Variants in MAST4 observed in about 807,000 individuals in gnomAD.
MAST4 encodes the protein microtubule associated serine/threonine kinase family member 4.
MAST4 carries 89 observed loss-of-function variants against 162.7 expected under a neutral mutation model. The observed-to-expected ratio is 0.55, with a 90% confidence interval of 0.46 to 0.65. MAST4 has a LOEUF of 0.65. Ranked by LOEUF, MAST4 falls within the 30% of genes least tolerant of loss-of-function variation. The pLI is 0.00. For synonymous variants in MAST4, 1,479 were observed against 1,361.1 expected, an observed-to-expected ratio of 1.09 and a Z score of -1.91; for missense variants, 3,153 against 3,374.0, an observed-to-expected ratio of 0.93 and a Z score of 1.62.
chr5:67,036,512 G>C (rs1756038080), intron 4 of MAST4, among the ~76,000 whole-genome samples: 1 of 152,010 alleles, frequency 6.6e-6, no homozygotes, highest in East Asian at 1.9e-4. Flanking sequence ...GTTGGTTCCA[G>C]GACCTCCCTT....
At chr5:67,014,122 A>G (rs900696916) in intron 4 of MAST4, among the ~76,000 whole-genome samples, 4 of 151,706 alleles carry the variant, frequency 2.6e-5, no homozygotes, top group Non-Finnish European at 5.9e-5. Context: ...GTAAGGACTG[A>G]TTTTATCTAC....
chr5:66,908,763 A>G (rs1023243409), intron 4 of MAST4, among the ~76,000 whole-genome samples: 1 of 152,196 alleles, frequency 6.6e-6, no homozygotes, highest in African/African-American at 2.4e-5. Context: ...GTTAATCAAT[A>G]GGCAATCAAT....
At chr5:66,797,997 C>G (rs1380545279) in intron 3 of MAST4, among the ~76,000 whole-genome samples, 1 of 152,230 alleles carries the variant, frequency 6.6e-6, no homozygotes, top group East Asian at 1.9e-4. Flanking sequence ...CACCACCACT[C>G]ATGGTGATGC....
intron 3 of MAST4, among the ~76,000 whole-genome samples, chr5:66,797,734 A>G (rs1286352477): frequency 1.3e-5 from 2 of 152,208 alleles, no homozygotes; most frequent in African/African-American, 4.8e-5. Context: ...AAACTTTGCA[A>G]CTTGAACTGA....
intron 4 of MAST4, among the ~76,000 whole-genome samples, chr5:66,958,297 A>T (rs1156477063): frequency 6.6e-6 from 1 of 152,186 alleles, no homozygotes; most frequent in East Asian, 1.9e-4. Context: ...TTTAAAATGC[A>T]TTAGAGGAAG....
intron 1 of MAST4, among the ~76,000 whole-genome samples, chr5:66,608,067 G>T (rs28617586): frequency 0.21 from 28,999 of 140,178 alleles, 3,392 homozygotes; most frequent in African/African-American, 0.4. Flanking sequence ...TTTTTTTTTT[G>T]TTTTTTTTTT....
chr5:66,774,347 G>A lies in MAST4; in HGVS notation c.518-14323G>A, dbSNP rs1401472346. Among the ~76,000 whole-genome samples the A allele has an allele frequency of 7.2e-5, 11 of 152,182 alleles. No homozygotes were observed. The South Asian group carries it at 8.3e-4, about 11-fold the overall frequency. On this transcript the variant is annotated intron_variant, in intron 2 of 28. Coordinates refer to ENST00000403625, the MANE Select transcript of MAST4 (RefSeq NM_001164664.2). ...TTTGCTAGCTTTTGGCTGCAGTGGC[G>A]TATACGTAAATAACAGTAAACAAAG...
At chr5:66,861,618 CTG>C (rs1460154668) in intron 3 of MAST4, among the ~76,000 whole-genome samples, 2 of 152,214 alleles carry the variant, frequency 1.3e-5, no homozygotes, top group African/African-American at 2.4e-5. Flanking sequence ...AGCCAAAATG[CTG>C]TGTTTTACAT....
At chr5:66,859,915 A>G (rs11745025) in intron 3 of MAST4, among the ~76,000 whole-genome samples, 17,808 of 152,248 alleles carry the variant, frequency 0.12, 1,149 homozygotes, top group East Asian at 0.25. Flanking sequence ...CTTTTAATAG[A>G]GCAATAGACT....
intron 3 of MAST4, among the ~76,000 whole-genome samples, chr5:66,838,020 T>A (rs1285327900): frequency 6.6e-6 from 1 of 151,044 alleles, no homozygotes; most frequent in Non-Finnish European, 1.5e-5. Flanking sequence ...CATTAACCAA[T>A]CTGCCTTGGG....
At chr5:67,061,668 G>T (rs1050923158) in intron 5 of MAST4, among the ~76,000 whole-genome samples, 8 of 151,526 alleles carry the variant, frequency 5.3e-5, no homozygotes, top group Non-Finnish European at 1.2e-4. Context: ...GACTGGTCTT[G>T]CTCTCAGCAT....
chr5:67,166,869 G>A lies in MAST4; in HGVS notation c.7690G>A (p.Asp2564Asn). 6.2e-7 allele frequency: 1 copy of A among 1,607,910 alleles called. No individual in the cohort carries two copies. ...TATVGETKGK[D>N]PAPAQPPPAR... ...CACCGTAGGGGAAACCAAAGGGAAG[G>A]ACCCTGCCCCAGCCCAGCCTCCCCC... The change falls in exon 29 of 29, where the codon GAC (aspartate) becomes AAC (asparagine). Residue 2564 changes from aspartate (D) to asparagine (N), a missense_variant. Physicochemically the swap from Asp to Asn is conservative, Grantham distance 23. This residue lies in a region of MAST4 where 1,644 missense variants were observed against 1,495.0 expected (regional missense o/e 1.10). Transcript: ENST00000403625.
At chr5:67,039,715 T>C (rs1315792807) in intron 4 of MAST4, among the ~76,000 whole-genome samples, 1 of 152,188 alleles carries the variant, frequency 6.6e-6, no homozygotes, top group Non-Finnish European at 1.5e-5. Context: ...TCCCATCTCC[T>C]GCCATAGTTT....
chr5:67,148,536 C>T (rs1561168409), intron 23 of MAST4, among the ~76,000 whole-genome samples: 1 of 152,156 alleles, frequency 6.6e-6, no homozygotes, highest in Non-Finnish European at 1.5e-5. Context: ...CTCTCTTACG[C>T]TCCGTTGTTG....
In MAST4 at chr5:67,077,620, A is replaced by T. The variant is rs1218643879; in HGVS notation, c.764-12542A>T. ...TACAACTCCCCGTCCATAACATCAG[A>T]TTACTTCACTTTACTTAAGTGTGTC... On this transcript the variant is annotated intron_variant, in intron 5 of 28. Transcript: ENST00000403625. Among the ~76,000 whole-genome samples the T allele has an allele frequency of 2.6e-5, 4 of 152,270 alleles. No homozygotes were observed. In the East Asian group the frequency reaches 7.7e-4, roughly 29 times the overall value.
At chr5:67,080,639 AATG>A (rs1425994706) in intron 5 of MAST4, among the ~76,000 whole-genome samples, 1 of 152,070 alleles carries the variant, frequency 6.6e-6, no homozygotes, top group Non-Finnish European at 1.5e-5. Context: ...TGCAAGAAGG[AATG>A]ATAAGAATTA....
intron 1 of MAST4, among the ~76,000 whole-genome samples, chr5:66,723,186 A>AT: frequency 6.6e-6 from 1 of 152,274 alleles, no homozygotes; most frequent in South Asian, 2.1e-4. Context: ...CTTAGGTACC[A>AT]TTTTAAATCA....
intron 1 of MAST4, among the ~76,000 whole-genome samples, chr5:66,737,537 G>T (rs140449098): frequency 2.6e-5 from 4 of 152,100 alleles, no homozygotes; most frequent in East Asian, 1.9e-4. Context: ...AGATCACCGC[G>T]CCTGGGCAGC....
At position 67,163,908 on chromosome 5, in the gene MAST4, T is replaced by C; in HGVS notation, c.4729T>C (p.Tyr1577His). The C allele has an allele frequency of 4.3e-6, 7 of 1,614,006 alleles. No homozygotes were observed. The highest frequency in any genetic ancestry group is 5.1e-6 in the Non-Finnish European group (6 of 1,179,890). Residue 1577 changes from tyrosine to histidine, a missense_variant, in exon 29 of 29, where the codon TAT becomes CAT. Transcript: ENST00000403625. This position sits in a 1 kb window ranked among gnomAD's most constrained non-coding sequence, Gnocchi z 7.0. ...GCTGGAAGAGAGAGAGAAGAAAGTC[T>C]ATCCGAAGGCTGTGGAAAGGTCAAG... ...FKLEEREKKVYPKAVERSSTF... is the reference protein window; with the variant it reads ...FKLEEREKKVHPKAVERSSTF...
Sources: gnomAD v4.1 joint callset for allele counts (sites outside exome capture counted in the v4.1 genomes callset) on GRCh38, gnomAD v4.1.1 for gene constraint, gnomAD v4.1.1 regional missense constraint, Gnocchi (gnomAD v3.1) non-coding constraint, MANE v1.5 for transcripts, NCBI Gene and HGNC (gene_info 2026-07-23, HGNC 2026-07-21) for gene names.